Variants in NTM observed in about 807,000 individuals in gnomAD.
NTM encodes the protein IgLON family member 2.
Under a neutral mutation model 42.1 loss-of-function variants are expected in NTM, and 13 were observed. That is an observed-to-expected ratio of 0.31 (90% CI 0.20 to 0.49). The LOEUF is 0.49. NTM is among the 20% of genes least tolerant of loss of function. NTM has a pLI of 0.99. For missense variants in NTM, 373 were observed against 452.8 expected (o/e 0.82, Z 1.60); for synonymous variants, 187 against 179.2 (o/e 1.04, Z -0.35).
chr11:131,386,434 G>C (rs933298032), intron 1 of NTM, among the ~76,000 whole-genome samples: 2 of 152,222 alleles, frequency 1.3e-5, no homozygotes, highest in African/African-American at 4.8e-5. Flanking sequence ...GGTACACTTA[G>C]AAATGGTTAA....
At chr11:132,220,965 G>T in intron 4 of NTM, among the ~76,000 whole-genome samples, 1 of 152,102 alleles carries the variant, frequency 6.6e-6, no homozygotes, top group East Asian at 1.9e-4. Context: ...TTAGTGGGAT[G>T]TCCCACCGCC....
chr11:132,266,481 A>T (rs2093190581), intron 4 of NTM, among the ~76,000 whole-genome samples: 1 of 152,242 alleles, frequency 6.6e-6, no homozygotes, highest in Non-Finnish European at 1.5e-5. Context: ...ACCTCTATCT[A>T]AATATGATTT....
At chr11:131,467,663 T>G (rs796799658) in intron 1 of NTM, among the ~76,000 whole-genome samples, 6 of 152,348 alleles carry the variant, frequency 3.9e-5, no homozygotes, top group African/African-American at 1.4e-4. Context: ...GGTTATTAAA[T>G]AATTTAGTGG....
chr11:132,314,532 T>A lies in NTM; in HGVS notation c.783-20T>A, dbSNP rs753788154. The A allele has an allele frequency of 6.2e-7, 1 of 1,600,632 alleles. No individual in the cohort carries two copies. Among genetic ancestry groups the A allele is most frequent in the East Asian group, 2.2e-5 (1 of 44,708 alleles). On this transcript the variant is annotated intron_variant, in intron 6 of 8. Coordinates refer to ENST00000683400, the MANE Select transcript of NTM (RefSeq NM_001352005.2). ...CATAACCATCTTGTTTTCTTCTTTT[T>A]TGTCTTTTGTTTCTCTCAGACTGAT...
At chr11:131,696,744 CTT>C (rs767102875) in intron 1 of NTM, among the ~76,000 whole-genome samples, 3 of 151,942 alleles carry the variant, frequency 2.0e-5, no homozygotes, top group East Asian at 1.9e-4. Flanking sequence ...GGTTTTATCT[CTT>C]GTTTCACCTT....
chr11:131,541,698 C>G (rs1160216608), intron 1 of NTM, among the ~76,000 whole-genome samples: 3 of 152,182 alleles, frequency 2.0e-5, no homozygotes, highest in Non-Finnish European at 2.9e-5. Flanking sequence ...AGTCTATCAT[C>G]TAAAATAGGG....
At chr11:132,136,084 C>T (rs2067865075) in intron 2 of NTM, among the ~76,000 whole-genome samples, 2 of 152,148 alleles carry the variant, frequency 1.3e-5, no homozygotes, top group South Asian at 4.1e-4. Flanking sequence ...AGCCTCCTCA[C>T]AGTCCACTAG....
intron 2 of NTM, among the ~76,000 whole-genome samples, chr11:132,136,858 G>A (rs1294061843): frequency 1.3e-5 from 2 of 152,132 alleles, no homozygotes; most frequent in Non-Finnish European, 2.9e-5. Flanking sequence ...AAGAATTGGA[G>A]GTGGAACTAG....
chr11:131,858,175 T>A (rs971417936), intron 1 of NTM, among the ~76,000 whole-genome samples: 6 of 152,196 alleles, frequency 3.9e-5, no homozygotes, highest in Non-Finnish European at 7.3e-5. Context: ...CTTGCCTTCC[T>A]ACACACTCTC....
chr11:131,449,376 G>A (rs528504728), intron 1 of NTM, among the ~76,000 whole-genome samples: 1 of 152,190 alleles, frequency 6.6e-6, no homozygotes, highest in African/African-American at 2.4e-5. Flanking sequence ...GGCAAGGAGG[G>A]GACCCTGGAG....
At chr11:132,091,639 C>A (rs1163824067) in intron 2 of NTM, among the ~76,000 whole-genome samples, 1 of 151,914 alleles carries the variant, frequency 6.6e-6, no homozygotes, top group Non-Finnish European at 1.5e-5. Flanking sequence ...CACCACACAC[C>A]TGACTATTTT....
chr11:131,610,134 A>T (rs1342996158), intron 1 of NTM, among the ~76,000 whole-genome samples: 1 of 152,204 alleles, frequency 6.6e-6, no homozygotes, highest in East Asian at 1.9e-4. Flanking sequence ...CAATCGTTAA[A>T]CTGTCCAACA....
intron 1 of NTM, among the ~76,000 whole-genome samples, chr11:131,382,074 G>A (rs1392398012): frequency 6.6e-6 from 1 of 152,046 alleles, no homozygotes; most frequent in Non-Finnish European, 1.5e-5. Flanking sequence ...TTTTTTCATA[G>A]TAAGAATATG....
chr11:131,731,493 A>T (rs2079681621), intron 1 of NTM, among the ~76,000 whole-genome samples: 1 of 152,120 alleles, frequency 6.6e-6, no homozygotes, highest in South Asian at 2.1e-4. Flanking sequence ...TATTCCTCTT[A>T]TTTCAGTTCA....
At chr11:131,989,197 C>T (rs1327521445) in intron 2 of NTM, among the ~76,000 whole-genome samples, 1 of 152,058 alleles carries the variant, frequency 6.6e-6, no homozygotes, top group Admixed American at 6.6e-5. Flanking sequence ...TCATGTTATC[C>T]CCTGCATGAT....
intron 1 of NTM, among the ~76,000 whole-genome samples, chr11:131,763,709 CTTTTTTTTTTTTTTT>C (rs557522093): frequency 4.2e-5 from 3 of 71,380 alleles, no homozygotes; most frequent in South Asian, 5.8e-4. Flanking sequence ...ATCTCTCTCT[CTTTTTTTTTTTTTTT>C]TTTTTTTTTT....
intron 2 of NTM, among the ~76,000 whole-genome samples, chr11:132,131,851 G>T (rs1032876129): frequency 6.6e-6 from 1 of 152,112 alleles, no homozygotes; most frequent in Non-Finnish European, 1.5e-5. Flanking sequence ...CCCACTGCCT[G>T]GTGTTCAGAA....
chr11:131,485,729 G>A (rs569046564), intron 1 of NTM, among the ~76,000 whole-genome samples: 6 of 152,292 alleles, frequency 3.9e-5, no homozygotes, highest in East Asian at 1.9e-4. Flanking sequence ...CAACCATCCC[G>A]AATGGGAAAC....
chr11:131,976,111 C>T (rs912309817), intron 2 of NTM, among the ~76,000 whole-genome samples: 2 of 144,210 alleles, frequency 1.4e-5, no homozygotes, highest in African/African-American at 5.2e-5. Flanking sequence ...CTCCCTCCCT[C>T]CCTCATTCCT....
Sources: allele counts gnomAD v4.1 joint callset (sites outside exome capture counted in the v4.1 genomes callset), GRCh38; gene constraint gnomAD v4.1.1; transcripts MANE v1.5; gene names NCBI Gene and HGNC (gene_info 2026-07-23, HGNC 2026-07-21).